TTC23L: variants seen among roughly 807,000 people sequenced by gnomAD.
The protein encoded by TTC23L is tetratricopeptide repeat domain 23 like, also known as tetratricopeptide repeat protein 23-like.
In TTC23L, 42 loss-of-function variants were observed where a neutral mutation model predicts 48.1. The ratio of observed to expected loss-of-function variants is 0.87; its 90% CI spans 0.68 to 1.13. The LOEUF (loss-of-function observed/expected upper bound fraction) is 1.13. TTC23L is among the 50% of genes most tolerant of loss of function. The pLI, the probability that TTC23L is intolerant of heterozygous loss-of-function variation, is 0.00. For synonymous variants in TTC23L, 159 were observed against 157.2 expected (o/e 1.01, Z -0.09); for missense variants, 391 against 421.0 (o/e 0.93, Z 0.62).
At chr5:34,865,094 G>A (rs2150402228) in intron 6 of TTC23L, among the ~76,000 whole-genome samples, 1 of 152,358 alleles carries the variant, frequency 6.6e-6, no homozygotes, top group East Asian at 1.9e-4. Flanking sequence ...GTTTAAGCCA[G>A]AACAAGATTT....
chr5:34,901,279 T>C (rs1281776019), downstream of TTC23L, among the ~76,000 whole-genome samples: 1 of 152,226 alleles, frequency 6.6e-6, no homozygotes, highest in Non-Finnish European at 1.5e-5. Context: ...TAAGTGGATT[T>C]ACACAGTTCA....
intron 1 of TTC23L, chr5:34,839,624 A>G: frequency 1.0e-6 from 1 of 985,106 alleles, no homozygotes; most frequent in Non-Finnish European, 1.2e-6. Flanking sequence ...TCCCTTTCTG[A>G]TTTTCGGATA....
At chr5:34,862,803 G>A in intron 4 of TTC23L, 95 bp from the exon 5 acceptor site, 3 of 1,449,926 alleles carry the variant, frequency 2.1e-6, no homozygotes, top group Non-Finnish European at 1.9e-6. Flanking sequence ...TACGACAACT[G>A]CACTGCCCAC....
At position 34,864,424 on chromosome 5, in the gene TTC23L, T is replaced by C; in HGVS notation, c.537-13T>C. The C allele has an allele frequency of 6.2e-7, 1 of 1,613,334 alleles. No individual in the cohort carries two copies. The highest frequency in any genetic ancestry group is 8.5e-7 in the Non-Finnish European group (1 of 1,179,558). ...TTAGTTTGAGTGCTTGCCATTTTCC[T>C]TGACTATTTCACTGGCAGAGAAGCC... is the stretch of plus-strand genomic sequence containing the variant. On this transcript the variant is annotated splice_polypyrimidine_tract_variant and intron_variant, in intron 5 of 10. Coordinates refer to ENST00000505624, the Ensembl canonical transcript of TTC23L.
intron 9 of TTC23L, among the ~76,000 whole-genome samples, chr5:34,895,585 TC>T (rs1364098284): frequency 1.3e-5 from 2 of 152,194 alleles, no homozygotes; most frequent in Non-Finnish European, 2.9e-5. Flanking sequence ...GGGAGAACCA[TC>T]CTTTTCTCCT....
chr5:34,925,547 C>A, the TTC23L span: 2 of 1,485,706 alleles, frequency 1.3e-6, no homozygotes, highest in Admixed American at 2.0e-5. Context: ...ATTTTGTATT[C>A]AATGTGTAAA....
At chr5:34,864,640 T>G (rs1332614114) in intron 6 of TTC23L, 78 bp downstream of exon 6, 1 of 1,454,084 alleles carries the variant, frequency 6.9e-7, no homozygotes, top group South Asian at 1.7e-5. Context: ...GAAAAATATT[T>G]AGAGCAAAAA....
the TTC23L span, among the ~76,000 whole-genome samples, chr5:34,924,646 AAC>A: frequency 1.3e-5 from 2 of 152,206 alleles, no homozygotes; most frequent in African/African-American, 4.8e-5. Flanking sequence ...TCACTGAAAA[AAC>A]ATTTTTCCAT....
exon 2 of TTC23L, chr5:34,840,739 T>G (rs2150335248): frequency 1.2e-6 from 2 of 1,611,402 alleles, no homozygotes; most frequent in South Asian, 2.2e-5. Context: ...TGCTTCCATA[T>G]GTAAGTATCA....
In TTC23L at chr5:34,862,842, T is replaced by A. The variant is rs16868723; in HGVS notation, c.380-56T>A. On this transcript the variant is annotated intron_variant, in intron 4 of 10. Coordinates refer to ENST00000505624, the Ensembl canonical transcript of TTC23L. The stretch of plus-strand genomic sequence containing the variant: ...ATCCCCTCCCAGGAATGTTTTTGAC[T>A]GAAGCATGCCTTTTTAATGTCTGTC... 6,629 of 1,600,820 alleles carry A rather than the reference T, an allele frequency of 4.1e-3. 227 individuals carry two copies. In the Admixed American group the frequency reaches 0.063, roughly 15 times the overall value.
chr5:34,870,202 T>G (rs1228758094), intron 8 of TTC23L, among the ~76,000 whole-genome samples: 1 of 151,976 alleles, frequency 6.6e-6, no homozygotes, highest in Non-Finnish European at 1.5e-5. Context: ...GATTAACATT[T>G]TATGCACCAA....
At chr5:34,919,080 G>A in the TTC23L span, 2 of 147,646 alleles carry the variant, frequency 1.4e-5, no homozygotes, top group African/African-American at 5.0e-5. Flanking sequence ...GTGAAACCCT[G>A]TCTCTACAAA....
At chr5:34,924,954 T>A in the TTC23L span, 1 of 1,613,372 alleles carries the variant, frequency 6.2e-7, no homozygotes, top group Non-Finnish European at 8.5e-7. Context: ...ATGAAAATCC[T>A]CACTACCAGT....
At position 34,850,312 on chromosome 5, in the gene TTC23L, C is replaced by G; in HGVS notation, c.379+4C>G. The G allele has an allele frequency of 6.2e-7, 1 of 1,613,354 alleles. No individual in the cohort carries two copies. On this transcript the variant is annotated splice_donor_region_variant and intron_variant, in intron 4 of 10. Transcript: ENST00000505624. ...TATGGCTACTTGACACTGAGAGGTA[C>G]TTGGTTTTCCCAGCTGGGTTTGGGT...
the TTC23L span, chr5:34,918,337 A>G: frequency 1.7e-6 from 2 of 1,197,586 alleles, no homozygotes; most frequent in South Asian, 1.3e-5. Flanking sequence ...AGATTTTAAA[A>G]TCTTTTAACA....
the TTC23L span, chr5:34,913,662 T>A: frequency 1.3e-6 from 1 of 768,222 alleles, no homozygotes; most frequent in Non-Finnish European, 2.1e-6. Context: ...TTTATACGTT[T>A]AAAAAATACA....
intron 3 of TTC23L, among the ~76,000 whole-genome samples, chr5:34,849,667 G>C (rs1759502211): frequency 1.3e-5 from 2 of 152,168 alleles, no homozygotes; most frequent in Non-Finnish European, 2.9e-5. Flanking sequence ...ATATCTTTTA[G>C]AGGTATTTAC....
chr5:34,892,759 CG>C (rs1762950559), intron 9 of TTC23L, among the ~76,000 whole-genome samples: 1 of 152,030 alleles, frequency 6.6e-6, no homozygotes, highest in Admixed American at 6.6e-5. Flanking sequence ...AGCATAGTGG[CG>C]TAGATACCCG....
At chr5:34,844,000 T>G (rs1232018001) in intron 2 of TTC23L, among the ~76,000 whole-genome samples, 1 of 152,190 alleles carries the variant, frequency 6.6e-6, no homozygotes, top group East Asian at 1.9e-4. Context: ...AATCACAGTG[T>G]ACTAGCAGTT....
Sources: allele counts gnomAD v4.1 joint callset (sites outside exome capture counted in the v4.1 genomes callset), GRCh38; gene constraint gnomAD v4.1.1; transcripts MANE v1.5; gene names NCBI Gene and HGNC (gene_info 2026-07-23, HGNC 2026-07-21).